The following USP6NL variants were observed in gnomAD, a reference collection of about 807,000 sequenced individuals.
USP6NL encodes the protein USP6 N-terminal-like protein.
A neutral mutation model predicts 61.9 loss-of-function variants in USP6NL; 26 were observed. The observed-to-expected ratio is 0.42, with a 90% CI of 0.31 to 0.58. USP6NL has a LOEUF of 0.58. Among genes scored for constraint, USP6NL ranks in the 20% least tolerant of loss-of-function variants. USP6NL has a pLI of 0.16. For synonymous variants in USP6NL, 432 were observed against 390.1 expected (o/e 1.11, Z -1.27); for missense variants, 1,114 against 1,034.3 (o/e 1.08, Z -1.06).
At chr10:11,479,933 T>G (rs1294196657) in intron 14 of USP6NL, among the ~76,000 whole-genome samples, 7 of 152,138 alleles carry the variant, frequency 4.6e-5, no homozygotes, top group Admixed American at 4.6e-4. Flanking sequence ...TGAGGTTCAT[T>G]TAATTATCTT....
intron 6 of USP6NL, among the ~76,000 whole-genome samples, chr10:11,508,743 C>A (rs962636188): frequency 1.3e-5 from 2 of 152,204 alleles, no homozygotes. Flanking sequence ...AGTGCAATGA[C>A]TGTGTCAAGA....
At chr10:11,493,082 A>G in intron 8 of USP6NL, 37 bp downstream of exon 8, 1 of 1,515,080 alleles carries the variant, frequency 6.6e-7, no homozygotes. Context: ...CTATTTATAA[A>G]TGCGATTAAC....
intron 2 of USP6NL, among the ~76,000 whole-genome samples, chr10:11,555,200 G>A (rs144720721): frequency 0.016 from 2,337 of 145,404 alleles, 69 homozygotes; most frequent in African/African-American, 0.055. Context: ...TGGATCACCT[G>A]AGGTCAGGAG....
chr10:11,556,236 A>G (rs1034966451), intron 2 of USP6NL, among the ~76,000 whole-genome samples: 2 of 152,228 alleles, frequency 1.3e-5, no homozygotes, highest in African/African-American at 4.8e-5. Context: ...AATTTGTTAT[A>G]AATTTGAATA....
intron 2 of USP6NL, among the ~76,000 whole-genome samples, chr10:11,556,014 C>T (rs1415228400): frequency 1.3e-5 from 2 of 151,992 alleles, no homozygotes; most frequent in African/African-American, 2.4e-5. Flanking sequence ...GTTCTACGAG[C>T]AGAAAAACAC....
Position 11,513,314 on chromosome 10 carries a change from C to T in USP6NL, c.196-3639G>A, listed in dbSNP as rs1169794360. Among the ~76,000 whole-genome samples, 4 of 152,158 alleles carry T rather than the reference C, an allele frequency of 2.6e-5. No individual in the cohort carries two copies. Among genetic ancestry groups the T allele is most frequent in the Non-Finnish European group, 5.9e-5 (4 of 68,024 alleles). On this transcript the variant is annotated intron_variant, in intron 5 of 14. Transcript: ENST00000609104. This position sits in a 1 kb window ranked among gnomAD's most constrained non-coding sequence, Gnocchi z 4.7. ...AGAAGTAACCAGAAGTTAATAATAT[C>T]CCGTATGTGGCAGAATGGTAGAAAT... is the stretch of plus-strand genomic sequence containing the variant.
At position 11,494,570 on chromosome 10, in the gene USP6NL, C is replaced by G. The variant is rs530877033; in HGVS notation, c.385-1342G>C. Among the ~76,000 whole-genome samples the G allele has an allele frequency of 9.9e-4, 151 of 152,210 alleles. 2 individuals carry two copies. The highest frequency in any genetic ancestry group is 3.4e-3 in the African/African-American group (142 of 41,522). ...GGACCACTACTACCAATGCGCGGAG[C>G]CCAGTAGTGGCCCCGAATGTCTGGC... On this transcript the variant is annotated intron_variant, in intron 7 of 14. Transcript: ENST00000609104.
chr10:11,509,513 T>C (rs1281782552), intron 6 of USP6NL, 82 bp downstream of exon 6: 3 of 1,306,046 alleles, frequency 2.3e-6, no homozygotes, highest in Admixed American at 2.7e-5. Context: ...GTAACACTCT[T>C]ATAATTAAAG....
intron 7 of USP6NL, 77 bp downstream of exon 7, chr10:11,501,024 T>G: frequency 8.8e-7 from 1 of 1,142,214 alleles, no homozygotes; most frequent in Non-Finnish European, 1.2e-6. Flanking sequence ...TATGAATATC[T>G]TATGTCACCT....
intron 7 of USP6NL, among the ~76,000 whole-genome samples, chr10:11,494,457 G>A (rs1337675124): frequency 6.6e-6 from 1 of 152,146 alleles, no homozygotes; most frequent in African/African-American, 2.4e-5. Context: ...CATAGGGTCG[G>A]TGAGTTTCTC....
At position 11,553,617 on chromosome 10, in the gene USP6NL, G is replaced by A. The variant is rs11257166; in HGVS notation, c.5-26050C>T. ...TAACAAAAAATAGCAAGATTAGGCT[G>A]GGTGTGGTGGCTCATGCCTGTAATC... On this transcript the variant is annotated intron_variant, in intron 2 of 14. Coordinates refer to ENST00000609104, the MANE Select transcript of USP6NL (RefSeq NM_014688.5). This position sits in a 1 kb window ranked among gnomAD's most constrained non-coding sequence, Gnocchi z 4.8. Among the ~76,000 whole-genome samples, 17,239 of 152,174 alleles carry A rather than the reference G, an allele frequency of 0.11. 1,292 individuals are homozygous for A. Among genetic ancestry groups the A allele is most frequent in the East Asian group, 0.16 (827 of 5,182 alleles).
chr10:11,511,801 AAAAAT>A lies in USP6NL; in HGVS notation c.196-2131_196-2127del, dbSNP rs1472867911. 2.7e-5 allele frequency among the ~76,000 whole-genome samples: 4 copies of A among 150,330 alleles called. No individual in the cohort carries two copies. In the South Asian group the frequency reaches 8.5e-4, roughly 32 times the overall value. On this transcript the variant is annotated intron_variant, in intron 5 of 14. Transcript: ENST00000609104. The surrounding 1 kb of genome is among the most constrained non-coding windows in gnomAD (Gnocchi z 4.9). Reference sequence around the variant, plus strand: ...ATTAAGTATGCTTTTCCCTACAGCAAAAAATAAAATAAAATAATATATATTATACA... The same window carrying A: ...ATTAAGTATGCTTTTCCCTACAGCAAAAAATAAAATAATATATATTATACA...
In USP6NL at chr10:11,530,515, T is replaced by C. The variant is rs180745351; in HGVS notation, c.5-2948A>G. On this transcript the variant is annotated intron_variant, in intron 2 of 14. Transcript: ENST00000609104. ...GCATCCTGATTTTTTGGGAGAAGTA[T>C]GATGTACTTTAAAGTGATCAGAACA... is the stretch of plus-strand genomic sequence containing the variant. 9.6e-4 allele frequency among the ~76,000 whole-genome samples: 146 copies of C among 152,340 alleles called. 1 individual carries two copies. Among genetic ancestry groups the C allele is most frequent in the African/African-American group, 3.4e-3 (141 of 41,584 alleles).
intron 4 of USP6NL, among the ~76,000 whole-genome samples, chr10:11,523,797 C>A (rs1290422099): frequency 6.6e-6 from 1 of 152,150 alleles, no homozygotes; most frequent in Non-Finnish European, 1.5e-5. Context: ...AATAAAAAAT[C>A]TGGTACAGTG....
chr10:11,469,164 T>A (rs202193868), intron 14 of USP6NL, among the ~76,000 whole-genome samples: 10 of 152,210 alleles, frequency 6.6e-5, no homozygotes, highest in Non-Finnish European at 1.3e-4. Flanking sequence ...TCTGTGGCTG[T>A]TCTGCAATGT....
rs888058590 is a variant in USP6NL, at chr10:11,470,455, C to G, written c.1079-6606G>C. Among the ~76,000 whole-genome samples, 12 of 152,220 alleles carry G rather than the reference C, an allele frequency of 7.9e-5. No homozygotes were observed. Among genetic ancestry groups the G allele is most frequent in the Admixed American group, 7.2e-4 (11 of 15,284 alleles). ...CTAGAGATTAATTATTCAACCTCCA[C>G]TGAACTGAAAACACATCATGCAGAC... On this transcript the variant is annotated intron_variant, in intron 14 of 14. Transcript: ENST00000609104. The surrounding 1 kb of genome is among the most constrained non-coding windows in gnomAD (Gnocchi z 5.4).
At chr10:11,530,028 G>A (rs925670288) in intron 2 of USP6NL, among the ~76,000 whole-genome samples, 11 of 151,250 alleles carry the variant, frequency 7.3e-5, no homozygotes, top group African/African-American at 2.7e-4. Context: ...CTTGAGGCCG[G>A]GAGGCAGAGG....
At chr10:11,560,545 C>G (rs973033645) in intron 2 of USP6NL, among the ~76,000 whole-genome samples, 1 of 151,256 alleles carries the variant, frequency 6.6e-6, no homozygotes, top group Non-Finnish European at 1.5e-5. Flanking sequence ...TCCTTAGTAC[C>G]GTAATAACTT....
rs753969586 is a variant in USP6NL at position 11,489,264 on chromosome 10, G to A, written c.544-42C>T. ...AACACAGAAGCTGGGGAGTTCAGTCGAATTACATGCATATGTACAGAGAAA... is the reference window on the plus strand; with the variant it reads ...AACACAGAAGCTGGGGAGTTCAGTCAAATTACATGCATATGTACAGAGAAA... On this transcript the variant is annotated intron_variant, in intron 9 of 14. Coordinates refer to ENST00000609104, the MANE Select transcript of USP6NL (RefSeq NM_014688.5). This position sits in a 1 kb window ranked among gnomAD's most constrained non-coding sequence, Gnocchi z 5.7. 19 of 1,599,818 alleles carry A rather than the reference G, an allele frequency of 1.2e-5. No homozygotes were observed. Among genetic ancestry groups the A allele is most frequent in the Middle Eastern group, 1.7e-4 (1 of 5,894 alleles).
Sources: allele counts gnomAD v4.1 joint callset (sites outside exome capture counted in the v4.1 genomes callset), GRCh38; gene constraint gnomAD v4.1.1; non-coding constraint Gnocchi (gnomAD v3.1); transcripts MANE v1.5; gene names NCBI Gene and HGNC (gene_info 2026-07-23, HGNC 2026-07-21).